Variants in FMN1 observed in about 807,000 individuals in gnomAD.
FMN1 encodes formin-1.
Under a neutral mutation model 132.4 loss-of-function variants are expected in FMN1, and 110 were observed. That is an observed-to-expected ratio of 0.83 (90% CI 0.71 to 0.97). The LOEUF (loss-of-function observed/expected upper bound fraction) is 0.97, where lower values mean the gene tolerates loss of function less well. FMN1 is among the 50% of genes least tolerant of loss of function. FMN1 has a pLI of 0.00. For missense variants in FMN1, 1,792 were observed against 1,705.3 expected, an observed-to-expected ratio of 1.05 and a Z score of -0.90; for synonymous variants, 722 against 651.7, an observed-to-expected ratio of 1.11 and a Z score of -1.64.
At chr15:32,821,449 C>CTTTTTTTTTTTTT (rs34336647) in intron 17 of FMN1, among the ~76,000 whole-genome samples, 1 of 110,830 alleles carries the variant, frequency 9.0e-6, no homozygotes, top group African/African-American at 3.6e-5. Context: ...ATATTTAAAT[C>CTTTTTTTTTTTTT]TTTTTTTTTT....
intron 16 of FMN1, among the ~76,000 whole-genome samples, chr15:32,882,874 G>A (rs1272912405): frequency 6.6e-6 from 1 of 152,148 alleles, no homozygotes; most frequent in Non-Finnish European, 1.5e-5. Flanking sequence ...TCTCTTTGGG[G>A]CCCAATAGCA....
At chr15:32,908,174 T>C (rs1162249331) in intron 12 of FMN1, 3 of 236,300 alleles carry the variant, frequency 1.3e-5, no homozygotes, top group Admixed American at 9.9e-5. Flanking sequence ...AACAGAACAA[T>C]GCCTTCTTCC....
At chr15:33,149,850 TTCCCATAATGTATA>T in intron 4 of FMN1, 1 of 983,344 alleles carries the variant, frequency 1.0e-6, no homozygotes, top group African/African-American at 1.7e-5. Context: ...TTATATTTAC[TTCCCATAATGTATA>T]TCCACAGAGA....
At chr15:32,920,136 T>G (rs2060784235) in intron 10 of FMN1, among the ~76,000 whole-genome samples, 1 of 152,192 alleles carries the variant, frequency 6.6e-6, no homozygotes, top group South Asian at 2.1e-4. Context: ...GCAATGCATA[T>G]GAACGTTTAT....
intron 15 of FMN1, 115 bp downstream of exon 15, chr15:32,898,719 G>T: frequency 1.5e-6 from 1 of 679,398 alleles, no homozygotes; most frequent in Non-Finnish European, 2.6e-6. Flanking sequence ...ACGCTGGAGA[G>T]CTCTCATATT....
intron 9 of FMN1, among the ~76,000 whole-genome samples, chr15:32,959,340 A>G (rs1317741248): frequency 6.6e-6 from 1 of 152,224 alleles, no homozygotes; most frequent in African/African-American, 2.4e-5. Flanking sequence ...GACTCTCAGA[A>G]GAGACCAAGG....
At chr15:32,983,518 C>G (rs904412298) in intron 7 of FMN1, among the ~76,000 whole-genome samples, 7 of 152,040 alleles carry the variant, frequency 4.6e-5, no homozygotes, top group African/African-American at 1.7e-4. Context: ...AAAATTATAT[C>G]TCATCGAAAA....
intron 7 of FMN1, among the ~76,000 whole-genome samples, chr15:32,973,226 T>A (rs1363492436): frequency 6.6e-6 from 1 of 152,232 alleles, no homozygotes; most frequent in Admixed American, 6.5e-5. Flanking sequence ...TCAACAGCTC[T>A]TCTGATCTGT....
intron 17 of FMN1, among the ~76,000 whole-genome samples, chr15:32,807,339 C>T (rs549989122): frequency 6.6e-4 from 100 of 152,312 alleles, no homozygotes; most frequent in Non-Finnish European, 1.2e-3. Flanking sequence ...TGATGTCCCC[C>T]CATACTCTTG....
chr15:32,961,169 T>C (rs920503655), intron 9 of FMN1, among the ~76,000 whole-genome samples: 33 of 151,370 alleles, frequency 2.2e-4, no homozygotes, highest in African/African-American at 8.0e-4. Flanking sequence ...GTTTTGCTCT[T>C]GTTGCCCAGG....
rs565314369 is a variant in FMN1 at position 33,081,716 on chromosome 15, G to A, written c.2043+7083C>T. On this transcript the variant is annotated intron_variant, in intron 5 of 20. Transcript: ENST00000616417. ...GTACTTGAGTCTAGACTCAGATCTG[G>A]GTTTAAATCCTGCCCGTGCCCTTGC... is the stretch of plus-strand genomic sequence containing the variant. Among the ~76,000 whole-genome samples, 4 of 152,250 alleles carry A rather than the reference G, an allele frequency of 2.6e-5. No homozygotes were observed. In the South Asian group the frequency reaches 8.3e-4, roughly 32 times the overall value.
At chr15:33,049,507 T>C (rs345744) in intron 6 of FMN1, among the ~76,000 whole-genome samples, 113,576 of 152,096 alleles carry the variant, frequency 0.75, 42,836 homozygotes, top group African/African-American at 0.78. Context: ...TAGTAATTTA[T>C]GATGGTGATA....
At chr15:32,869,964 C>T (rs2059476624) in intron 16 of FMN1, among the ~76,000 whole-genome samples, 1 of 152,114 alleles carries the variant, frequency 6.6e-6, no homozygotes, top group South Asian at 2.1e-4. Context: ...ATTCTGTAGC[C>T]ACTTGTTTAA....
chr15:32,852,327 A>T (rs1205741845), intron 17 of FMN1, among the ~76,000 whole-genome samples: 2 of 152,204 alleles, frequency 1.3e-5, no homozygotes, highest in Non-Finnish European at 2.9e-5. Flanking sequence ...GTAATGCCTA[A>T]AACAGCCCTT....
At chr15:32,997,567 T>C (rs372449052) in intron 7 of FMN1, among the ~76,000 whole-genome samples, 8 of 152,304 alleles carry the variant, frequency 5.3e-5, no homozygotes, top group African/African-American at 1.9e-4. Context: ...TTCGAAATTA[T>C]CTACGTGAAG....
chr15:32,904,866 C>T (rs1245547144), intron 12 of FMN1, among the ~76,000 whole-genome samples: 3 of 152,100 alleles, frequency 2.0e-5, no homozygotes, highest in Non-Finnish European at 2.9e-5. Flanking sequence ...GCTTCTCTTC[C>T]CCTGCCCTGC....
At chr15:33,120,251 A>T (rs1225653229) in intron 4 of FMN1, among the ~76,000 whole-genome samples, 6 of 152,206 alleles carry the variant, frequency 3.9e-5, no homozygotes, top group Admixed American at 3.9e-4. Context: ...AGGCAATTAC[A>T]AAATAATTTG....
intron 8 of FMN1, 117 bp downstream of exon 8, chr15:32,968,597 T>G: frequency 6.8e-7 from 1 of 1,462,862 alleles, no homozygotes; most frequent in Non-Finnish European, 9.2e-7. Flanking sequence ...GCATTCACTG[T>G]ATCACACTTG....
intron 16 of FMN1, among the ~76,000 whole-genome samples, chr15:32,872,226 T>G (rs1291425024): frequency 6.6e-6 from 1 of 152,208 alleles, no homozygotes; most frequent in African/African-American, 2.4e-5. Context: ...TGCTCAGACT[T>G]TCCAATCAAC....
Sources: gnomAD v4.1 joint callset for allele counts (sites outside exome capture counted in the v4.1 genomes callset) on GRCh38, gnomAD v4.1.1 for gene constraint, MANE v1.5 for transcripts, NCBI Gene and HGNC (gene_info 2026-07-23, HGNC 2026-07-21) for gene names.